Variants in COL4A4 observed in about 807,000 individuals in gnomAD.
COL4A4 encodes the protein collagen alpha-4(IV) chain.
Under a neutral mutation model 192.9 loss-of-function variants are expected in COL4A4, and 105 were observed. That is an observed-to-expected ratio of 0.54 (90% CI 0.46 to 0.64). COL4A4 has a LOEUF of 0.64. Among genes scored for constraint, COL4A4 ranks in the 30% least tolerant of loss-of-function variants. COL4A4 has a pLI of 0.00. For missense variants in COL4A4, 1,967 were observed against 2,169.3 expected (o/e 0.91, Z 1.85); for synonymous variants, 762 against 769.9 (o/e 0.99, Z 0.17).
chr2:227,031,150 A>C (rs1025619481), intron 40 of COL4A4, among the ~76,000 whole-genome samples: 47 of 152,180 alleles, frequency 3.1e-4, no homozygotes, highest in Non-Finnish European at 1.3e-4. Flanking sequence ...TAAATTTATA[A>C]TCCTAATGGA....
At chr2:227,162,767 T>G (rs899307703) in intron 1 of COL4A4, among the ~76,000 whole-genome samples, 5 of 152,162 alleles carry the variant, frequency 3.3e-5, no homozygotes, top group Non-Finnish European at 7.3e-5. Context: ...AGCTAGAGAG[T>G]CTGATAAAAT....
chr2:227,139,247 G>A (rs529513684), intron 4 of COL4A4, among the ~76,000 whole-genome samples: 2 of 152,264 alleles, frequency 1.3e-5, no homozygotes, highest in African/African-American at 4.8e-5. Context: ...TAAATTTCTC[G>A]TAAGCCACCC....
chr2:227,053,898 A>G (rs899930169), intron 31 of COL4A4, among the ~76,000 whole-genome samples: 19 of 152,010 alleles, frequency 1.2e-4, no homozygotes, highest in Non-Finnish European at 2.5e-4. Context: ...CGTGGCCCAG[A>G]TGAAAGTGGA....
At chr2:226,970,160 G>T in the COL4A4 span, among the ~76,000 whole-genome samples, 1 of 151,876 alleles carries the variant, frequency 6.6e-6, no homozygotes, top group Non-Finnish European at 1.5e-5. Flanking sequence ...ATATACTTCT[G>T]CACTGTGCTA....
At chr2:227,120,059 A>AT (rs1286841605) in intron 5 of COL4A4, 120 bp from the exon 6 acceptor site, 13 of 681,420 alleles carry the variant, frequency 1.9e-5, no homozygotes, top group Non-Finnish European at 2.7e-5. Context: ...ATTGTCACCT[A>AT]TTTTTTACAT....
Position 227,038,348 on chromosome 2 carries a change from G to T in COL4A4, c.3505+3800C>A, listed in dbSNP as rs571833008. Among the ~76,000 whole-genome samples, 7 of 152,206 alleles carry T rather than the reference G, an allele frequency of 4.6e-5. No homozygotes were observed. In the South Asian group the frequency reaches 1.5e-3, roughly 32 times the overall value. Reference sequence around the variant, plus strand: ...AACCCTTTCCCCATTGCTTGTTTTTGTCAGGTTTGTGGAAGATCAGATGTT... The same window carrying T: ...AACCCTTTCCCCATTGCTTGTTTTTTTCAGGTTTGTGGAAGATCAGATGTT... On this transcript the variant is annotated intron_variant, in intron 37 of 47. Coordinates refer to ENST00000396625, the MANE Select transcript of COL4A4 (RefSeq NM_000092.5).
intron 31 of COL4A4, among the ~76,000 whole-genome samples, 160 bp from the exon 32 acceptor site, chr2:227,052,572 A>G (rs1172875932): frequency 6.6e-6 from 1 of 152,210 alleles, no homozygotes; most frequent in African/African-American, 2.4e-5. Context: ...GATTTCCTAA[A>G]GGAAGGTCAG....
chr2:227,035,764 A>G (rs1969528671), intron 37 of COL4A4, among the ~76,000 whole-genome samples: 2 of 152,088 alleles, frequency 1.3e-5, no homozygotes, highest in African/African-American at 4.8e-5. Context: ...CTATTTCCAC[A>G]TGTTTTGATC....
chr2:227,054,781 G>A (rs564600452), intron 30 of COL4A4, 44 bp from the exon 31 acceptor site: 1 of 1,571,060 alleles, frequency 6.4e-7, no homozygotes, highest in East Asian at 2.4e-5. Flanking sequence ...TATTTTATTT[G>A]TTATTTATTT....
chr2:227,086,976 G>A (rs1052307895), intron 22 of COL4A4, among the ~76,000 whole-genome samples: 8 of 152,120 alleles, frequency 5.3e-5, no homozygotes, highest in South Asian at 2.1e-4. Context: ...TAAGGCCCTC[G>A]GGTTGGAACC....
intron 4 of COL4A4, among the ~76,000 whole-genome samples, chr2:227,130,311 C>T (rs1222095937): frequency 1.3e-5 from 2 of 152,240 alleles, no homozygotes; most frequent in Non-Finnish European, 2.9e-5. Context: ...GGAGACATGG[C>T]TTTGCCACTG....
Position 227,005,098 on chromosome 2 carries a change from G to A in COL4A4, c.*2227C>T, listed in dbSNP as rs920083499. 1 of 152,046 alleles carries A rather than the reference G, an allele frequency of 6.6e-6. No individual in the cohort carries two copies. Among genetic ancestry groups the A allele is most frequent in the African/African-American group, 2.4e-5 (1 of 41,388 alleles). The allele number at this position is 152,046 out of a possible 1,614,324, so 9.4% of individuals were successfully genotyped here. A position where few individuals can be genotyped will look rare whatever the true frequency, so the allele number is the denominator to read the frequency against. ...AAAATTAGAGGGCAGTGTTAATGCT[G>A]CATTTAGAGACAGCTCTTGTAATAC... On this transcript the variant is annotated 3_prime_UTR_variant, in exon 48 of 48. Transcript: ENST00000396625.
intron 18 of COL4A4, 58 bp from the exon 19 acceptor site, chr2:227,098,856 G>A: frequency 2.2e-6 from 3 of 1,388,214 alleles, no homozygotes; most frequent in Non-Finnish European, 3.1e-6. Context: ...TTAAAATTAA[G>A]ACAACAATTA....
intron 7 of COL4A4, 88 bp from the exon 8 acceptor site, chr2:227,114,784 G>A: frequency 1.9e-6 from 2 of 1,047,428 alleles, no homozygotes; most frequent in South Asian, 1.3e-5. Context: ...TAACTCATCA[G>A]TTAAAATTAC....
chr2:226,990,135 G>A, the COL4A4 span, among the ~76,000 whole-genome samples: 2 of 152,196 alleles, frequency 1.3e-5, no homozygotes, highest in African/African-American at 4.8e-5. Flanking sequence ...AAAGTAAAGT[G>A]TGGTTACTGT....
rs1451789108 is a variant in COL4A4, at chr2:227,042,183, C to A, written c.3470G>T (p.Gly1157Val). Residue 1157 changes from glycine to valine, a missense_variant, in exon 37 of 48, where the codon GGG becomes GTG. Physicochemically the swap from Gly to Val is moderately radical, Grantham distance 109. Transcript: ENST00000396625. The part of the protein sequence containing the change: ...MGDPGPRGLQ[G>V]DPGIPGPPGI... ...CGGAGGACCTGGTATCCCTGGATCCCCCTGGAGGCCTCTTGGCCCAGGGTC... is the reference window on the plus strand; with the variant it reads ...CGGAGGACCTGGTATCCCTGGATCCACCTGGAGGCCTCTTGGCCCAGGGTC... 1 of 1,613,286 alleles carries A rather than the reference C, an allele frequency of 6.2e-7. No homozygotes were observed. The highest frequency in any genetic ancestry group is 2.2e-5 in the East Asian group (1 of 44,856).
intron 43 of COL4A4, among the ~76,000 whole-genome samples, chr2:227,025,488 A>G (rs1575841712): frequency 6.6e-6 from 1 of 152,308 alleles, no homozygotes; most frequent in Middle Eastern, 3.4e-3. Context: ...TAAAAAAGGA[A>G]CTTACATTGG....
intron 37 of COL4A4, among the ~76,000 whole-genome samples, chr2:227,036,567 TA>T (rs1382034413): frequency 1.3e-5 from 2 of 152,222 alleles, no homozygotes; most frequent in African/African-American, 4.8e-5. Flanking sequence ...AGATTCTTAT[TA>T]ACAAAGATTC....
At chr2:227,057,682 T>C (rs1489365360) in intron 28 of COL4A4, 82 bp from the exon 29 acceptor site, 2 of 1,389,528 alleles carry the variant, frequency 1.4e-6, no homozygotes, top group Admixed American at 3.6e-5. Flanking sequence ...CGCATATCAA[T>C]ACTGGAGGTG....
Sources: gnomAD v4.1 joint callset for allele counts (sites outside exome capture counted in the v4.1 genomes callset) on GRCh38, gnomAD v4.1.1 for gene constraint, MANE v1.5 for transcripts, NCBI Gene and HGNC (gene_info 2026-07-23, HGNC 2026-07-21) for gene names.